HSDL2: variants seen among roughly 807,000 people sequenced by gnomAD.
The protein encoded by HSDL2 is hydroxysteroid dehydrogenase like 2, also known as hydroxysteroid dehydrogenase-like protein 2.
A neutral mutation model predicts 46.3 loss-of-function variants in HSDL2; 27 were observed. The ratio of observed to expected loss-of-function variants is 0.58; its 90% confidence interval spans 0.43 to 0.80. The LOEUF is 0.80. Ranked by LOEUF, HSDL2 falls within the 30% of genes least tolerant of loss-of-function variation. HSDL2 has a pLI of 0.00. For synonymous variants in HSDL2, 153 were observed against 163.6 expected (o/e 0.94, Z 0.50); for missense variants, 451 against 502.7 (o/e 0.90, Z 0.98).
chr9:112,408,934 G>A lies in HSDL2; in HGVS notation c.308G>A (p.Ser103Asn), dbSNP rs1831795761. Reference protein sequence around the residue: ...GGIDILVNNASAISLTNTLDT... With the variant: ...GGIDILVNNANAISLTNTLDT... The stretch of plus-strand genomic sequence containing the variant: ...ATTGATATTCTGGTAAATAATGCCA[G>A]TGCCATTAGTTTGACCAATACATTG... Residue 103 changes from serine to asparagine, a missense_variant, in exon 4 of 11, where the codon AGT becomes AAT. Coordinates refer to ENST00000398805, the MANE Select transcript of HSDL2 (RefSeq NM_032303.5). The A allele has an allele frequency of 1.3e-6, 2 of 1,575,750 alleles. No homozygotes were observed. Among genetic ancestry groups the A allele is most frequent in the East Asian group, 2.3e-5 (1 of 44,068 alleles).
intron 6 of HSDL2, among the ~76,000 whole-genome samples, chr9:112,430,922 C>T (rs1366006710): frequency 1.3e-5 from 2 of 151,734 alleles, no homozygotes; most frequent in Non-Finnish European, 2.9e-5. Context: ...CATGGTGACG[C>T]GTGCCTGTAG....
intron 4 of HSDL2, among the ~76,000 whole-genome samples, chr9:112,412,053 C>T (rs988710109): frequency 1.3e-5 from 2 of 152,176 alleles, no homozygotes; most frequent in African/African-American, 4.8e-5. Flanking sequence ...GTCTGAAAAT[C>T]CCAAATCCAG....
chr9:112,454,081 G>A lies in HSDL2; in HGVS notation c.934G>A (p.Glu312Lys), dbSNP rs1398789934. ...QPKPRSGAVE[E>K]TFRIVKDSLS... ...AAAACCACGTTCTGGAGCTGTGGAA[G>A]AAACATTTAGAATTGTTAAGGACTC... Residue 312 changes from glutamate to lysine, a missense_variant, in exon 9 of 11, where the codon GAA (glutamate) becomes AAA (lysine). Glu to Lys is a moderately conservative substitution (Grantham distance 56). Coordinates refer to ENST00000398805, the MANE Select transcript of HSDL2 (RefSeq NM_032303.5). The A allele has an allele frequency of 3.1e-6, 5 of 1,613,992 alleles. No individual in the cohort carries two copies. Among genetic ancestry groups the A allele is most frequent in the African/African-American group, 1.3e-5 (1 of 74,940 alleles).
intron 1 of HSDL2, among the ~76,000 whole-genome samples, chr9:112,396,172 G>C (rs959681509): frequency 6.6e-6 from 1 of 152,148 alleles, no homozygotes; most frequent in Non-Finnish European, 1.5e-5. Flanking sequence ...CTACCCCAAA[G>C]ATTAATGGGG....
chr9:112,454,696 A>AT (rs1482500812), intron 9 of HSDL2, among the ~76,000 whole-genome samples: 1 of 151,656 alleles, frequency 6.6e-6, no homozygotes, highest in Non-Finnish European at 1.5e-5. Context: ...CACTTTTTTT[A>AT]TTTTTAAAAA....
chr9:112,423,551 C>T (rs568584753), intron 6 of HSDL2, among the ~76,000 whole-genome samples: 1 of 152,112 alleles, frequency 6.6e-6, no homozygotes, highest in East Asian at 1.9e-4. Flanking sequence ...CTCAGGGATC[C>T]ACCTGCCTCG....
Position 112,380,133 on chromosome 9 carries a change from T to C in HSDL2, c.-31T>C. 6.4e-7 allele frequency: 1 copy of C among 1,557,886 alleles called. No individual in the cohort carries two copies. The highest frequency in any genetic ancestry group is 8.7e-7 in the Non-Finnish European group (1 of 1,149,414). ...AGCTCTCTGCTCGCCGCCGCCGCTG[T>C]CGCCGCCACCTCCTCTGATCTACGA... On this transcript the variant is annotated 5_prime_UTR_variant, in exon 1 of 11. Coordinates refer to ENST00000398805, the MANE Select transcript of HSDL2 (RefSeq NM_032303.5).
In HSDL2 at chr9:112,398,933, A is replaced by G. The variant is rs534796584; in HGVS notation, c.18-5062A>G. Among the ~76,000 whole-genome samples the G allele has an allele frequency of 6.6e-5, 10 of 152,274 alleles. No homozygotes were observed. The East Asian group carries it at 1.5e-3, about 24-fold the overall frequency. On this transcript the variant is annotated intron_variant, in intron 1 of 10. Transcript: ENST00000398805. ...AAGCATAATGCTTAGACTTCGTGTG[A>G]CCCATAGTTACCCCGGACAATACAC...
intron 8 of HSDL2, among the ~76,000 whole-genome samples, chr9:112,453,663 A>C (rs975936089): frequency 6.6e-6 from 1 of 152,042 alleles, no homozygotes; most frequent in South Asian, 2.1e-4. Flanking sequence ...AAAGTGCTGG[A>C]ATTACATGCA....
At chr9:112,434,970 T>C (rs1206323182) in intron 6 of HSDL2, among the ~76,000 whole-genome samples, 1 of 152,208 alleles carries the variant, frequency 6.6e-6, no homozygotes. Flanking sequence ...GCTTTCATTA[T>C]AAATTTTGCT....
At chr9:112,434,565 T>A (rs1344197192) in intron 6 of HSDL2, among the ~76,000 whole-genome samples, 1 of 152,224 alleles carries the variant, frequency 6.6e-6, no homozygotes, top group Non-Finnish European at 1.5e-5. Context: ...TATATCATAG[T>A]TTAATTGGCA....
chr9:112,450,299 A>C (rs962431167), intron 8 of HSDL2, among the ~76,000 whole-genome samples: 2 of 147,256 alleles, frequency 1.4e-5, no homozygotes, highest in East Asian at 4.0e-4. Context: ...AAACATTAAA[A>C]ATTTAAAAAG....
intron 6 of HSDL2, among the ~76,000 whole-genome samples, chr9:112,434,567 T>C (rs1280049854): frequency 6.6e-6 from 1 of 152,248 alleles, no homozygotes; most frequent in African/African-American, 2.4e-5. Context: ...TATCATAGTT[T>C]AATTGGCAGC....
chr9:112,429,161 G>C (rs993076084), intron 6 of HSDL2, among the ~76,000 whole-genome samples: 28 of 152,204 alleles, frequency 1.8e-4, no homozygotes, highest in African/African-American at 6.0e-4. Context: ...AGCCTCCAAA[G>C]GTGCGGGGAT....
chr9:112,458,025 C>A (rs1281867163), intron 9 of HSDL2, among the ~76,000 whole-genome samples: 1 of 152,164 alleles, frequency 6.6e-6, no homozygotes, highest in African/African-American at 2.4e-5. Context: ...GTCATTTAAT[C>A]CTTTACATGA....
At position 112,404,155 on chromosome 9, in the gene HSDL2, G is replaced by A; in HGVS notation, c.178G>A (p.Glu60Lys). Reference sequence around the variant, plus strand: ...AGGCACAATCTATACTGCTGCTGAAGAAAGTGAGTGTGACAGTGCCATTTG... The same window carrying A: ...AGGCACAATCTATACTGCTGCTGAAAAAAGTGAGTGTGACAGTGCCATTTG... ...LLGTIYTAAE[E>K]IEAVGGKALP... The change falls in exon 2 of 11, where the codon GAA becomes AAA. Residue 60 changes from glutamate to lysine, a missense_variant. Physicochemically the swap from Glu to Lys is moderately conservative, Grantham distance 56. Coordinates refer to ENST00000398805, the MANE Select transcript of HSDL2 (RefSeq NM_032303.5). 3 of 1,613,584 alleles carry A rather than the reference G, an allele frequency of 1.9e-6. No homozygotes were observed. The highest frequency in any genetic ancestry group is 2.5e-6 in the Non-Finnish European group (3 of 1,179,752).
intron 7 of HSDL2, 34 bp downstream of exon 7, chr9:112,438,659 C>A (rs185500513): frequency 2.4e-6 from 3 of 1,267,092 alleles, no homozygotes; most frequent in South Asian, 1.5e-5. Context: ...AGTAGTGATA[C>A]GTTTTTCCAT....
At chr9:112,381,098 C>CACACACACACACAA (rs1554707224) in intron 1 of HSDL2, among the ~76,000 whole-genome samples, 7 of 151,566 alleles carry the variant, frequency 4.6e-5, no homozygotes, top group African/African-American at 1.7e-4. Flanking sequence ...TACACACACA[C>CACACACACACACAA]ACACACACAC....
chr9:112,416,447 C>CA (rs1447192113), intron 4 of HSDL2, among the ~76,000 whole-genome samples: 52 of 140,192 alleles, frequency 3.7e-4, no homozygotes, highest in South Asian at 1.7e-3. Flanking sequence ...AAAAAACAAA[C>CA]AAAAAAAAAG....
Sources: allele counts gnomAD v4.1 joint callset (sites outside exome capture counted in the v4.1 genomes callset), GRCh38; gene constraint gnomAD v4.1.1; transcripts MANE v1.5; gene names NCBI Gene and HGNC (gene_info 2026-07-23, HGNC 2026-07-21).